R3HDM1: variants seen among roughly 807,000 people sequenced by gnomAD.
R3HDM1 encodes the protein R3H domain containing 1.
A neutral mutation model predicts 141.1 loss-of-function variants in R3HDM1; 46 were observed. That is an observed-to-expected ratio of 0.33 (90% confidence interval 0.26 to 0.42). The LOEUF (loss-of-function observed/expected upper bound fraction) is 0.42. Ranked by LOEUF, R3HDM1 falls within the 10% of genes least tolerant of loss-of-function variation. The pLI is 1.00. For synonymous variants in R3HDM1, 435 were observed against 472.9 expected (o/e 0.92, Z 1.04); for missense variants, 1,184 against 1,368.3 (o/e 0.87, Z 2.12).
rs896847101 is a variant in R3HDM1 at position 135,546,604 on chromosome 2, C to T, written c.-250+14971C>T. Among the ~76,000 whole-genome samples, 3 of 152,114 alleles carry T rather than the reference C, an allele frequency of 2.0e-5. No homozygotes were observed. The East Asian group carries it at 5.8e-4, about 29-fold the overall frequency. Reference sequence around the variant, plus strand: ...TGACTAAGATGCTAGAACCAGTACCCAAAGCACATGAGATGTTATCACAGA... The same window carrying T: ...TGACTAAGATGCTAGAACCAGTACCTAAAGCACATGAGATGTTATCACAGA... On this transcript the variant is annotated intron_variant, in intron 1 of 26. Coordinates refer to ENST00000683871, the MANE Select transcript of R3HDM1 (RefSeq NM_001378107.1).
At position 135,706,400 on chromosome 2, in the gene R3HDM1, G is replaced by T. The variant is rs1258430675; in HGVS notation, c.2460-3033G>T. 9.3e-5 allele frequency among the ~76,000 whole-genome samples: 13 copies of T among 140,448 alleles called. 1 individual carries two copies. Among genetic ancestry groups the T allele is most frequent in the South Asian group, 2.2e-4 (1 of 4,510 alleles). 92.1% of individuals were successfully genotyped at this position (140,448 alleles called of 152,430 possible). On this transcript the variant is annotated intron_variant, in intron 21 of 26. Coordinates refer to ENST00000683871, the MANE Select transcript of R3HDM1 (RefSeq NM_001378107.1). The stretch of plus-strand genomic sequence containing the variant: ...TTTTGTTTTTGTTTTTGTTTTTTTT[G>T]AACATTCTTGGGTGTTTCTCGCAGA...
chr2:135,681,455 T>C (rs1024202294), intron 21 of R3HDM1, among the ~76,000 whole-genome samples: 7 of 152,204 alleles, frequency 4.6e-5, no homozygotes. Flanking sequence ...GTAGGAAGTA[T>C]TTATCTGGCC....
chr2:135,715,146 G>A (rs749636622), intron 23 of R3HDM1, among the ~76,000 whole-genome samples: 11 of 152,238 alleles, frequency 7.2e-5, no homozygotes, highest in Non-Finnish European at 1.6e-4. Context: ...TCAGGAGATC[G>A]AGAACATCCT....
intron 14 of R3HDM1, among the ~76,000 whole-genome samples, chr2:135,640,136 CCCTAA>C (rs1278059559): frequency 6.6e-6 from 1 of 151,924 alleles, no homozygotes; most frequent in Non-Finnish European, 1.5e-5. Flanking sequence ...GACTGTTTCT[CCCTAA>C]CCTATTTGGG....
chr2:135,605,003 A>T lies in R3HDM1; in HGVS notation c.158A>T (p.Asn53Ile), dbSNP rs1326814253. ...AAGAATGAACATTGTATTGAGAACA[A>T]TATAGATTTGCAGGTAAACAGGAAT... ...VEKNEHCIEN[N>I]IDLQRPLQSF... Residue 53 changes from asparagine to isoleucine, a missense_variant, in exon 3 of 27, where the codon AAT (asparagine) becomes ATT (isoleucine). Physicochemically the swap from Asn to Ile is moderately radical, Grantham distance 149. Transcript: ENST00000683871. 1 of 1,597,562 alleles carries T rather than the reference A, an allele frequency of 6.3e-7. No homozygotes were observed. The highest frequency in any genetic ancestry group is 2.2e-5 in the East Asian group (1 of 44,652).
In R3HDM1 at chr2:135,697,710, T is replaced by C. The variant is rs558465761; in HGVS notation, c.2460-11723T>C. Among the ~76,000 whole-genome samples the C allele has an allele frequency of 7.2e-5, 11 of 152,322 alleles. No individual in the cohort carries two copies. The East Asian group carries it at 1.9e-3, about 27-fold the overall frequency. On this transcript the variant is annotated intron_variant, in intron 21 of 26. Transcript: ENST00000683871. ...CAAAAACAGTCAAAACTCAACTATG[T>C]TCTTTTGGGATACATATATATGTGG...
chr2:135,638,579 G>T, intron 11 of R3HDM1, 39 bp from the exon 12 acceptor site: 2 of 1,559,710 alleles, frequency 1.3e-6, no homozygotes, highest in South Asian at 2.2e-5. Flanking sequence ...CGTTATATTT[G>T]ACAAAAGCTC....
chr2:135,587,077 A>G (rs950547162), intron 1 of R3HDM1: 3 of 763,592 alleles, frequency 3.9e-6, no homozygotes, highest in Non-Finnish European at 3.2e-6. Flanking sequence ...CATTGCTATG[A>G]TTAACATAAT....
chr2:135,707,017 C>CA (rs531067366), intron 21 of R3HDM1, among the ~76,000 whole-genome samples: 361 of 152,122 alleles, frequency 2.4e-3, no homozygotes, highest in African/African-American at 8.5e-3. Context: ...CTGACCCCCC[C>CA]ACCTCCCTCC....
In R3HDM1 at chr2:135,625,728, C is replaced by T. The variant is rs113312631; in HGVS notation, c.497+2996C>T. ...GATGAGGAGATTGGTGAAGGTCAGT[C>T]TCCTCAACAATCATACCTACATAAT... On this transcript the variant is annotated intron_variant, in intron 7 of 26. Transcript: ENST00000683871. Among the ~76,000 whole-genome samples the T allele has an allele frequency of 1.3e-3, 195 of 152,114 alleles. 2 individuals are homozygous for T. Among genetic ancestry groups the T allele is most frequent in the African/African-American group, 4.3e-3 (177 of 41,486 alleles).
chr2:135,667,957 A>G (rs1331823888), intron 19 of R3HDM1, among the ~76,000 whole-genome samples: 1 of 152,236 alleles, frequency 6.6e-6, no homozygotes, highest in African/African-American at 2.4e-5. Flanking sequence ...AAAAGTTCAG[A>G]GGAATTCATG....
chr2:135,664,044 A>AT (rs889743402), intron 19 of R3HDM1, among the ~76,000 whole-genome samples: 4 of 151,876 alleles, frequency 2.6e-5, no homozygotes, highest in Non-Finnish European at 2.9e-5. Flanking sequence ...AAAAAAAAAA[A>AT]AAAAACTTAA....
At chr2:135,700,478 T>G (rs913049614) in intron 21 of R3HDM1, among the ~76,000 whole-genome samples, 4 of 152,206 alleles carry the variant, frequency 2.6e-5, no homozygotes, top group African/African-American at 7.2e-5. Flanking sequence ...TAAGTAATAT[T>G]ATTAAGTTCA....
At chr2:135,645,284 A>C in intron 15 of R3HDM1, 95 bp from the exon 16 acceptor site, 1 of 1,097,954 alleles carries the variant, frequency 9.1e-7, no homozygotes. Context: ...ATTGTGGTTA[A>C]AGGATTTTGG....
At chr2:135,688,604 A>C (rs550707787) in intron 21 of R3HDM1, among the ~76,000 whole-genome samples, 1 of 152,262 alleles carries the variant, frequency 6.6e-6, no homozygotes, top group Admixed American at 6.5e-5. Flanking sequence ...GGGTCAGGAA[A>C]ATGGTAAACA....
intron 3 of R3HDM1, among the ~76,000 whole-genome samples, chr2:135,608,646 A>G (rs1459118609): frequency 6.6e-6 from 1 of 152,222 alleles, no homozygotes; most frequent in Non-Finnish European, 1.5e-5. Context: ...ATTCTAACAT[A>G]CTACCAGATA....
At chr2:135,550,022 A>G (rs868531842) in intron 1 of R3HDM1, 1 of 976,846 alleles carries the variant, frequency 1.0e-6, no homozygotes, top group African/African-American at 1.7e-5. Context: ...AGCTTTTGGA[A>G]TGGCAGTTTA....
intron 21 of R3HDM1, among the ~76,000 whole-genome samples, chr2:135,703,183 C>T (rs1392650223): frequency 1.3e-5 from 2 of 152,102 alleles, no homozygotes; most frequent in African/African-American, 4.8e-5. Context: ...CATGCAAATA[C>T]TTGTTTAAGT....
intron 2 of R3HDM1, among the ~76,000 whole-genome samples, chr2:135,603,743 A>G (rs758609307): frequency 2.5e-4 from 38 of 152,090 alleles, no homozygotes; most frequent in Non-Finnish European, 4.4e-4. Flanking sequence ...GAGTAGCTGT[A>G]TTATAGGCAT....
Sources: gnomAD v4.1 joint callset for allele counts (sites outside exome capture counted in the v4.1 genomes callset) on GRCh38, gnomAD v4.1.1 for gene constraint, MANE v1.5 for transcripts, NCBI Gene and HGNC (gene_info 2026-07-23, HGNC 2026-07-21) for gene names.